Variants in EVA1C observed in about 807,000 individuals in gnomAD.
EVA1C encodes the protein protein eva-1 homolog C.
EVA1C carries 25 observed loss-of-function variants against 45.4 expected under a neutral mutation model. That is an observed-to-expected ratio of 0.55 (90% CI 0.40 to 0.77). The LOEUF (loss-of-function observed/expected upper bound fraction) is 0.77, where lower values mean the gene tolerates loss of function less well. EVA1C is among the 30% of genes least tolerant of loss of function. The probability of loss-of-function intolerance (pLI) is 0.00; values close to 1 mark genes in which losing one functional copy is unlikely to be tolerated. For missense variants in EVA1C, 479 were observed against 554.8 expected, an observed-to-expected ratio of 0.86 and a Z score of 1.37; for synonymous variants, 190 against 221.2, an observed-to-expected ratio of 0.86 and a Z score of 1.25.
chr21:32,480,097 A>G (rs191051886), intron 4 of EVA1C, among the ~76,000 whole-genome samples: 1 of 152,224 alleles, frequency 6.6e-6, no homozygotes, highest in Non-Finnish European at 1.5e-5. Context: ...GTTCAGCTGT[A>G]AGATTATTCT....
chr21:32,489,986 T>C (rs2037101936), intron 4 of EVA1C, among the ~76,000 whole-genome samples: 1 of 152,114 alleles, frequency 6.6e-6, no homozygotes, highest in African/African-American at 2.4e-5. Context: ...ATTTTTTTAG[T>C]AGAGATGGGG....
intron 5 of EVA1C, among the ~76,000 whole-genome samples, chr21:32,495,915 C>T (rs577489400): frequency 3.0e-4 from 45 of 152,290 alleles, no homozygotes; most frequent in African/African-American, 9.6e-4. Context: ...GAACCTGATA[C>T]CTATTCTCTT....
chr21:32,513,255 C>T (rs1325652550), intron 7 of EVA1C, among the ~76,000 whole-genome samples: 2 of 149,160 alleles, frequency 1.3e-5, no homozygotes, highest in Non-Finnish European at 3.0e-5. Context: ...CGGCTCACTG[C>T]AAGCTCCACC....
chr21:32,469,039 C>CT (rs930041307), intron 4 of EVA1C, among the ~76,000 whole-genome samples: 13 of 152,232 alleles, frequency 8.5e-5, no homozygotes, highest in African/African-American at 3.1e-4. Flanking sequence ...TTCTCCTCCA[C>CT]ATTCCTGAAT....
intron 1 of EVA1C, among the ~76,000 whole-genome samples, chr21:32,429,906 G>T (rs142614194): frequency 6.6e-6 from 1 of 152,020 alleles, no homozygotes; most frequent in Non-Finnish European, 1.5e-5. Context: ...GATATTTTAT[G>T]TTCTCTTTTT....
chr21:32,458,258 A>T (rs897673744), intron 3 of EVA1C, among the ~76,000 whole-genome samples: 1 of 152,162 alleles, frequency 6.6e-6, no homozygotes, highest in South Asian at 2.1e-4. Flanking sequence ...CATCTCTTTT[A>T]TTCTGATTCT....
chr21:32,431,178 G>GC (rs2034689049), intron 1 of EVA1C, among the ~76,000 whole-genome samples: 1 of 152,144 alleles, frequency 6.6e-6, no homozygotes, highest in Non-Finnish European at 1.5e-5. Flanking sequence ...ATGCACATTG[G>GC]CCTCTGAGGC....
At chr21:32,454,090 A>G (rs1356989191) in intron 2 of EVA1C, among the ~76,000 whole-genome samples, 1 of 152,172 alleles carries the variant, frequency 6.6e-6, no homozygotes, top group Non-Finnish European at 1.5e-5. Flanking sequence ...TTAGCCGGGC[A>G]TGGTGGCACG....
At chr21:32,418,399 G>A (rs2034136722) in intron 1 of EVA1C, among the ~76,000 whole-genome samples, 1 of 152,174 alleles carries the variant, frequency 6.6e-6, no homozygotes, top group South Asian at 2.1e-4. Context: ...TTATGGCAGA[G>A]AAGAGTCTCG....
intron 1 of EVA1C, among the ~76,000 whole-genome samples, chr21:32,437,738 C>T (rs537578445): frequency 5.3e-5 from 8 of 152,208 alleles, no homozygotes; most frequent in East Asian, 1.9e-4. Context: ...CAGATGTAGC[C>T]GTTTTTGCCC....
At chr21:32,486,218 G>A (rs918207490) in intron 4 of EVA1C, among the ~76,000 whole-genome samples, 1 of 152,200 alleles carries the variant, frequency 6.6e-6, no homozygotes, top group Admixed American at 6.5e-5. Flanking sequence ...CCACTTCCCA[G>A]GTTCAAGCGA....
At chr21:32,413,855 C>A (rs2033928688) in intron 1 of EVA1C, among the ~76,000 whole-genome samples, 2 of 152,194 alleles carry the variant, frequency 1.3e-5, no homozygotes, top group South Asian at 4.1e-4. Flanking sequence ...TGGAGGCCTT[C>A]AGCCTTCCCC....
At chr21:32,457,030 T>G (rs1351886589) in intron 2 of EVA1C, among the ~76,000 whole-genome samples, 1 of 152,224 alleles carries the variant, frequency 6.6e-6, no homozygotes, top group Non-Finnish European at 1.5e-5. Flanking sequence ...CCTCTTGAGT[T>G]TGATGAGGGT....
intron 1 of EVA1C, among the ~76,000 whole-genome samples, chr21:32,451,978 A>G (rs563781493): frequency 2.0e-5 from 3 of 152,184 alleles, no homozygotes; most frequent in African/African-American, 7.2e-5. Context: ...TCCCTGCACC[A>G]CGCCCTTGGA....
At chr21:32,470,764 C>CTTTTTT (rs142166965) in intron 4 of EVA1C, among the ~76,000 whole-genome samples, 1 of 146,406 alleles carries the variant, frequency 6.8e-6, no homozygotes, top group Non-Finnish European at 1.5e-5. Context: ...CTTTTTCTTT[C>CTTTTTT]TTTTTTTTTT....
intron 5 of EVA1C, chr21:32,497,105 A>C: frequency 1.1e-6 from 1 of 871,818 alleles, no homozygotes; most frequent in Non-Finnish European, 2.0e-6. Flanking sequence ...ACTGGGCTTC[A>C]TTAGAAAGCT....
intron 7 of EVA1C, among the ~76,000 whole-genome samples, chr21:32,510,043 CTTTTTTTTTTTT>C (rs58017017): frequency 2.1e-4 from 24 of 114,522 alleles, no homozygotes; most frequent in African/African-American, 8.3e-4. Context: ...TCCGACATTC[CTTTTTTTTTTTT>C]TTTTTTTTTG....
intron 4 of EVA1C, among the ~76,000 whole-genome samples, chr21:32,480,648 A>G (rs2146349003): frequency 6.6e-6 from 1 of 152,350 alleles, no homozygotes; most frequent in South Asian, 2.1e-4. Flanking sequence ...AGCCTGGGCA[A>G]TAGAGCAAGA....
At chr21:32,414,811 A>G (rs2033972574) in intron 1 of EVA1C, among the ~76,000 whole-genome samples, 1 of 152,056 alleles carries the variant, frequency 6.6e-6, no homozygotes, top group Non-Finnish European at 1.5e-5. Flanking sequence ...ACGAGCCCCC[A>G]TTTTTCCTCT....
Sources: gnomAD v4.1 joint callset for allele counts (sites outside exome capture counted in the v4.1 genomes callset) on GRCh38, gnomAD v4.1.1 for gene constraint, MANE v1.5 for transcripts, NCBI Gene and HGNC (gene_info 2026-07-23, HGNC 2026-07-21) for gene names.